The following FOXP1 variants were observed in gnomAD, a reference collection of about 807,000 sequenced individuals.
FOXP1 encodes forkhead box P1.
FOXP1 carries 15 observed loss-of-function variants against 98.2 expected under a neutral mutation model. That is an observed-to-expected ratio of 0.15 (90% CI 0.10 to 0.24). FOXP1 has a LOEUF of 0.24. Ranked by LOEUF, FOXP1 falls within the 10% of genes least tolerant of loss-of-function variation. The pLI is 1.00. For missense variants in FOXP1, 633 were observed against 848.5 expected (o/e 0.75, Z 3.15); for synonymous variants, 371 against 314.5 (o/e 1.18, Z -1.90).
chr3:70,986,096 A>T (rs1451537310), intron 14 of FOXP1, among the ~76,000 whole-genome samples: 1 of 152,126 alleles, frequency 6.6e-6, no homozygotes, highest in African/African-American at 2.4e-5. Context: ...CAAAGTTACA[A>T]TTTTCTAGAA....
intron 5 of FOXP1, among the ~76,000 whole-genome samples, chr3:71,202,961 G>A (rs2063766494): frequency 6.6e-6 from 1 of 152,138 alleles, no homozygotes; most frequent in East Asian, 1.9e-4. Flanking sequence ...CAGGCACCCG[G>A]TATGCATAAC....
rs896409581 is a variant in FOXP1, at chr3:71,180,826, T to A, written c.180+17376A>T. Among the ~76,000 whole-genome samples the A allele has an allele frequency of 3.9e-5, 6 of 152,188 alleles. 1 individual carries two copies. Among genetic ancestry groups the A allele is most frequent in the East Asian group, 1.9e-4 (1 of 5,202 alleles). Reference sequence around the variant, plus strand: ...TATCTGAAATAAAACCCTGATTCAATTCAGATTCTGGAGGCAAACTGTGTC... The same window carrying A: ...TATCTGAAATAAAACCCTGATTCAAATCAGATTCTGGAGGCAAACTGTGTC... On this transcript the variant is annotated intron_variant, in intron 6 of 20. Coordinates refer to ENST00000649528, the MANE Select transcript of FOXP1 (RefSeq NM_001349338.3).
At chr3:71,374,774 A>G (rs1374464074) in intron 3 of FOXP1, among the ~76,000 whole-genome samples, 1 of 152,184 alleles carries the variant, frequency 6.6e-6, no homozygotes, top group Admixed American at 6.5e-5. Flanking sequence ...CCAATTTTAA[A>G]GAGCTGGAGA....
chr3:71,094,278 CTTTTT>C (rs1180804992), intron 7 of FOXP1, among the ~76,000 whole-genome samples: 1 of 127,824 alleles, frequency 7.8e-6, no homozygotes. Context: ...TTTTTCTTTT[CTTTTT>C]TTTTTTTTTT....
intron 11 of FOXP1, among the ~76,000 whole-genome samples, chr3:71,028,528 G>A (rs146296851): frequency 1.3e-5 from 2 of 152,318 alleles, no homozygotes; most frequent in South Asian, 2.1e-4. Flanking sequence ...GTTTTCTCAT[G>A]GTTTGGAGCA....
At chr3:71,342,804 A>G (rs1052909845) in intron 4 of FOXP1, among the ~76,000 whole-genome samples, 9 of 152,112 alleles carry the variant, frequency 5.9e-5, no homozygotes, top group African/African-American at 2.2e-4. Context: ...ATACCCATAT[A>G]CCCTTCATCC....
chr3:71,412,027 T>C (rs141119783), intron 3 of FOXP1, among the ~76,000 whole-genome samples: 24 of 152,216 alleles, frequency 1.6e-4, no homozygotes, highest in Non-Finnish European at 3.5e-4. Flanking sequence ...AAAGCGCAAG[T>C]GCTTCTAAAC....
chr3:71,202,979 TCTC>T (rs2063767923), intron 5 of FOXP1, among the ~76,000 whole-genome samples: 1 of 152,132 alleles, frequency 6.6e-6, no homozygotes, highest in Non-Finnish European at 1.5e-5. Context: ...AACCTCTGCT[TCTC>T]TCTGGGGGAA....
At chr3:71,312,499 C>T (rs2074763082) in intron 4 of FOXP1, among the ~76,000 whole-genome samples, 1 of 152,170 alleles carries the variant, frequency 6.6e-6, no homozygotes, top group Admixed American at 6.5e-5. Flanking sequence ...GCCTCTCCTT[C>T]CCTGCTTCTG....
chr3:71,098,285 T>C (rs2056653471), intron 7 of FOXP1, among the ~76,000 whole-genome samples: 1 of 152,246 alleles, frequency 6.6e-6, no homozygotes, highest in African/African-American at 2.4e-5. Context: ...TACATTTCTG[T>C]ATTTTGCCTT....
intron 6 of FOXP1, among the ~76,000 whole-genome samples, chr3:71,114,310 T>C (rs2058188697): frequency 6.6e-6 from 1 of 152,170 alleles, no homozygotes; most frequent in African/African-American, 2.4e-5. Context: ...CGTGTCCCTG[T>C]GCCTGGAACT....
chr3:71,409,129 C>T (rs560768092), intron 3 of FOXP1, among the ~76,000 whole-genome samples: 8 of 152,174 alleles, frequency 5.3e-5, no homozygotes, highest in African/African-American at 1.9e-4. Context: ...CAGGAATGGT[C>T]TTCCCTCAAA....
In FOXP1 at chr3:71,410,007, C is replaced by G. The variant is rs149484309; in HGVS notation, c.-167-50763G>C. 3.4e-4 allele frequency among the ~76,000 whole-genome samples: 52 copies of G among 152,120 alleles called. 1 individual carries two copies. Among genetic ancestry groups the G allele is most frequent in the African/African-American group, 1.1e-3 (45 of 41,474 alleles). ...TCCAGCCTGAACAACAGCATGAGAC[C>G]CTGTCTCAAAACCAACAACAACAGC... On this transcript the variant is annotated intron_variant, in intron 3 of 20. Transcript: ENST00000649528.
intron 3 of FOXP1, among the ~76,000 whole-genome samples, chr3:71,399,863 C>A (rs145200582): frequency 6.6e-6 from 1 of 152,126 alleles, no homozygotes; most frequent in Non-Finnish European, 1.5e-5. Flanking sequence ...AATGGCTCTA[C>A]GAATCATTTA....
intron 7 of FOXP1, among the ~76,000 whole-genome samples, chr3:71,087,341 A>G (rs2055232384): frequency 6.6e-6 from 1 of 152,184 alleles, no homozygotes; most frequent in South Asian, 2.1e-4. Flanking sequence ...CAGAAATCCA[A>G]TGTTAATTGA....
chr3:71,263,911 ATT>A (rs769680475), intron 5 of FOXP1, among the ~76,000 whole-genome samples: 17 of 141,936 alleles, frequency 1.2e-4, no homozygotes, highest in Admixed American at 2.1e-4. Context: ...CTCCCAGCTA[ATT>A]TTTTTTTTTT....
intron 2 of FOXP1, among the ~76,000 whole-genome samples, chr3:71,515,441 A>AG: frequency 7.1e-6 from 1 of 141,686 alleles, no homozygotes; most frequent in Non-Finnish European, 1.6e-5. Context: ...AGCAAAAAAA[A>AG]AAAAAAAAAA....
chr3:71,000,320 T>C (rs370912550), intron 13 of FOXP1, among the ~76,000 whole-genome samples: 4 of 135,372 alleles, frequency 3.0e-5, no homozygotes, highest in Admixed American at 7.5e-5. Context: ...TATATATATA[T>C]ACACTCTACA....
At chr3:71,263,788 C>T (rs2568833) in intron 5 of FOXP1, among the ~76,000 whole-genome samples, 2 of 151,604 alleles carry the variant, frequency 1.3e-5, no homozygotes, top group Non-Finnish European at 2.9e-5. Context: ...CTGTCACCCA[C>T]GCTGGAGTGC....
Sources: gnomAD v4.1 joint callset for allele counts (sites outside exome capture counted in the v4.1 genomes callset) on GRCh38, gnomAD v4.1.1 for gene constraint, MANE v1.5 for transcripts, NCBI Gene and HGNC (gene_info 2026-07-23, HGNC 2026-07-21) for gene names.